The following VPS13B variants were observed in gnomAD, a reference collection of about 807,000 sequenced individuals.
VPS13B encodes the protein intermembrane lipid transfer protein VPS13B.
VPS13B carries 285 observed loss-of-function variants against 426.4 expected under a neutral mutation model. That is an observed-to-expected ratio of 0.67 (90% CI 0.61 to 0.74). The LOEUF (loss-of-function observed/expected upper bound fraction) is 0.74, where lower values mean the gene tolerates loss of function less well. VPS13B is among the 30% of genes least tolerant of loss of function. VPS13B has a pLI of 0.00. For synonymous variants in VPS13B, 1,676 were observed against 1,676.4 expected (o/e 1.00, Z 0.01); for missense variants, 4,537 against 4,782.6 (o/e 0.95, Z 1.51).
At chr8:99,824,280 A>G (rs192650858) in intron 51 of VPS13B, among the ~76,000 whole-genome samples, 1 of 152,296 alleles carries the variant, frequency 6.6e-6, no homozygotes, top group Admixed American at 6.5e-5. Flanking sequence ...TCCTACAAGC[A>G]GAGACATAGT....
chr8:99,541,331 G>A (rs931964027), intron 30 of VPS13B, among the ~76,000 whole-genome samples: 3 of 151,980 alleles, frequency 2.0e-5, no homozygotes, highest in African/African-American at 7.3e-5. Context: ...GAATAAGCAT[G>A]GCACATTTTT....
At chr8:99,784,261 A>G (rs989383247) in intron 42 of VPS13B, 54 bp from the exon 43 acceptor site, 2 of 1,612,334 alleles carry the variant, frequency 1.2e-6, no homozygotes, top group Non-Finnish European at 1.7e-6. Flanking sequence ...ACAGCTGCCA[A>G]ACATCTTACA....
At chr8:99,097,680 A>G (rs1251929144) in intron 4 of VPS13B, among the ~76,000 whole-genome samples, 1 of 152,212 alleles carries the variant, frequency 6.6e-6, no homozygotes, top group Admixed American at 6.5e-5. Flanking sequence ...CCAAAAATAA[A>G]TCTGTATCTT....
At chr8:99,015,685 T>C (rs184629396) in intron 2 of VPS13B, among the ~76,000 whole-genome samples, 114 of 151,770 alleles carry the variant, frequency 7.5e-4, no homozygotes, top group African/African-American at 2.6e-3. Context: ...AGGCAGATCA[T>C]GAGGTCAGGA....
intron 16 of VPS13B, among the ~76,000 whole-genome samples, chr8:99,183,281 C>T (rs948690074): frequency 4.6e-5 from 7 of 152,016 alleles, no homozygotes; most frequent in East Asian, 1.9e-4. Flanking sequence ...GCTCTATTGA[C>T]GGTATATTGA....
rs376713272 is a variant in VPS13B, at chr8:99,763,168, A to G, written c.7051-3606A>G. Among the ~76,000 whole-genome samples the G allele has an allele frequency of 3.3e-3, 491 of 146,866 alleles. 5 individuals carry two copies. The highest frequency in any genetic ancestry group is 0.012 in the African/African-American group (461 of 39,712). On this transcript the variant is annotated intron_variant, in intron 39 of 61. Coordinates refer to ENST00000357162, the MANE Select transcript of VPS13B (RefSeq NM_152564.5). ...AAAAAAAAAAAAAAAAAAAAAAAGA[A>G]GAGAAAAATTAATTTGCCCAAGAAA...
chr8:99,600,877 C>G (rs1827259054), intron 33 of VPS13B, among the ~76,000 whole-genome samples: 1 of 152,172 alleles, frequency 6.6e-6, no homozygotes, highest in Non-Finnish European at 1.5e-5. Context: ...CACTTTGCAA[C>G]TTTATTGAAC....
At chr8:99,727,029 T>C (rs1833380036) in intron 39 of VPS13B, among the ~76,000 whole-genome samples, 1 of 152,202 alleles carries the variant, frequency 6.6e-6, no homozygotes, top group Non-Finnish European at 1.5e-5. Flanking sequence ...ACATAATAAC[T>C]CATTAAATTT....
chr8:99,870,652 T>C, intron 59 of VPS13B, 133 bp from the exon 60 acceptor site: 1 of 782,432 alleles, frequency 1.3e-6, no homozygotes, highest in Non-Finnish European at 2.2e-6. Flanking sequence ...ATCTATACGC[T>C]TGCTTCCAAA....
intron 25 of VPS13B, among the ~76,000 whole-genome samples, chr8:99,492,320 G>A (rs1002013522): frequency 1.3e-4 from 20 of 152,320 alleles, no homozygotes; most frequent in Admixed American, 3.3e-4. Flanking sequence ...CTACACGGGC[G>A]TCAGGGACCC....
intron 11 of VPS13B, 31 bp from the exon 12 acceptor site, chr8:99,136,634 G>A (rs759947414): frequency 1.2e-6 from 2 of 1,611,096 alleles, no homozygotes; most frequent in Non-Finnish European, 8.5e-7. Flanking sequence ...TTTATACAAT[G>A]TTTATTCTGT....
At chr8:99,084,156 A>G (rs1845636902) in intron 3 of VPS13B, among the ~76,000 whole-genome samples, 1 of 152,090 alleles carries the variant, frequency 6.6e-6, no homozygotes, top group East Asian at 1.9e-4. Flanking sequence ...GTCTATTCAG[A>G]GATTCAACTT....
chr8:99,658,132 T>C (rs1162622918), intron 34 of VPS13B, among the ~76,000 whole-genome samples: 1 of 152,130 alleles, frequency 6.6e-6, no homozygotes, highest in Non-Finnish European at 1.5e-5. Context: ...TAAAAATGCT[T>C]TAAGAAACTA....
chr8:99,430,708 C>A (rs904686572), intron 21 of VPS13B, among the ~76,000 whole-genome samples: 2 of 151,298 alleles, frequency 1.3e-5, no homozygotes, highest in African/African-American at 2.4e-5. Flanking sequence ...ATCCACCCCC[C>A]CCCCAACTTT....
intron 17 of VPS13B, among the ~76,000 whole-genome samples, chr8:99,263,146 T>C (rs542323084): frequency 6.6e-6 from 1 of 152,332 alleles, no homozygotes; most frequent in African/African-American, 2.4e-5. Context: ...TGGCACCCTG[T>C]CATCCTCACT....
intron 17 of VPS13B, among the ~76,000 whole-genome samples, chr8:99,228,219 T>C (rs1816121942): frequency 1.3e-5 from 2 of 152,252 alleles, no homozygotes; most frequent in Non-Finnish European, 2.9e-5. Context: ...GAAATGCTTT[T>C]CTTATAGAAA....
At chr8:99,800,618 AT>A (rs901945092) in intron 43 of VPS13B, among the ~76,000 whole-genome samples, 30 of 151,380 alleles carry the variant, frequency 2.0e-4, no homozygotes, top group East Asian at 1.7e-3. Context: ...CTTAGATTTA[AT>A]TTTTTTTTAG....
chr8:99,353,822 T>G (rs1812031988), intron 19 of VPS13B, among the ~76,000 whole-genome samples: 1 of 152,120 alleles, frequency 6.6e-6, no homozygotes, highest in Non-Finnish European at 1.5e-5. Flanking sequence ...TTCACTGACT[T>G]GTAGCAGTAA....
chr8:99,372,845 C>T (rs1442442590), intron 19 of VPS13B, among the ~76,000 whole-genome samples: 1 of 152,198 alleles, frequency 6.6e-6, no homozygotes, highest in Non-Finnish European at 1.5e-5. Flanking sequence ...AATCATTCTA[C>T]TATAAAGACA....
Sources: gnomAD v4.1 joint callset for allele counts (sites outside exome capture counted in the v4.1 genomes callset) on GRCh38, gnomAD v4.1.1 for gene constraint, MANE v1.5 for transcripts, NCBI Gene and HGNC (gene_info 2026-07-23, HGNC 2026-07-21) for gene names.